Variants in BRD8 observed in about 807,000 individuals in gnomAD.
BRD8 encodes the protein bromodomain containing 8, also known as bromodomain-containing protein 8.
BRD8 carries 67 observed loss-of-function variants against 143.1 expected under a neutral mutation model. That is an observed-to-expected ratio of 0.47 (90% CI 0.38 to 0.57). The LOEUF is 0.57. BRD8 is among the 20% of genes least tolerant of loss of function. The pLI is 0.00. For synonymous variants in BRD8, 505 were observed against 517.1 expected, an observed-to-expected ratio of 0.98 and a Z score of 0.32; for missense variants, 1,103 against 1,503.0, an observed-to-expected ratio of 0.73 and a Z score of 4.40.
intron 25 of BRD8, among the ~76,000 whole-genome samples, chr5:138,143,258 C>CT (rs1751986706): frequency 6.6e-6 from 1 of 152,008 alleles, no homozygotes; most frequent in Admixed American, 6.6e-5. Context: ...GCACTCCAGC[C>CT]TGAGCAACAG....
chr5:138,176,845 C>T (rs927963203), intron 2 of BRD8, among the ~76,000 whole-genome samples: 5 of 151,980 alleles, frequency 3.3e-5, no homozygotes, highest in African/African-American at 1.2e-4. Context: ...CACCTGTAAT[C>T]CCAGTAGGTT....
At position 138,170,373 on chromosome 5, in the gene BRD8, C is replaced by G; in HGVS notation, c.477G>C (p.Lys159Asn). The G allele has an allele frequency of 6.2e-7, 1 of 1,614,028 alleles. No individual in the cohort carries two copies. Among genetic ancestry groups the G allele is most frequent in the Non-Finnish European group, 8.5e-7 (1 of 1,179,880 alleles). Residue 159 changes from lysine to asparagine, a missense_variant, in exon 7 of 27, where the codon AAG becomes AAC. This residue lies in a region of BRD8 where 334 missense variants were observed against 372.5 expected (regional missense o/e 0.90). Transcript: ENST00000254900. ...GGTATGCAGCATCTGTAGCCTTCCT[C>G]TTTACTTCAGCCTCCTCTTCTTCCA... ...KKLEEEEAEV[K>N]RKATDAAYQA...
intron 7 of BRD8, among the ~76,000 whole-genome samples, chr5:138,170,120 A>G (rs538024603): frequency 6.6e-6 from 1 of 152,302 alleles, no homozygotes; most frequent in East Asian, 1.9e-4. Context: ...ATATCTCATC[A>G]AGCCTTTGTG....
rs775834354 is a variant in BRD8, at chr5:138,170,325, G to T, written c.505+20C>A. ...TACTGTGCAATCAATTGCTAAAGAG[G>T]CATACTAGGTTCAGCTTACCCTGGT... On this transcript the variant is annotated intron_variant, in intron 7 of 26. Coordinates refer to ENST00000254900, the MANE Select transcript of BRD8 (RefSeq NM_139199.2). 6.6e-7 allele frequency: 1 copy of T among 1,511,910 alleles called. No homozygotes were observed. 93.7% of individuals were successfully genotyped at this position (1,511,910 alleles called of 1,614,324 possible). A position where few individuals can be genotyped will look rare whatever the true frequency, so the allele number is the denominator to read the frequency against.
chr5:138,145,752 C>A, intron 24 of BRD8, 37 bp downstream of exon 24: 1 of 1,548,032 alleles, frequency 6.5e-7, no homozygotes, highest in Non-Finnish European at 8.9e-7. Context: ...ACTGCTTCAG[C>A]TCTGAACATA....
intron 20 of BRD8, among the ~76,000 whole-genome samples, chr5:138,154,936 TCTC>T (rs1356881418): frequency 6.6e-6 from 1 of 151,610 alleles, no homozygotes; most frequent in Non-Finnish European, 1.5e-5. Flanking sequence ...CTCAAGCACT[TCTC>T]CTGCCTCAGC....
intron 12 of BRD8, 117 bp downstream of exon 12, chr5:138,164,597 G>C: frequency 1.6e-6 from 2 of 1,265,074 alleles, no homozygotes; most frequent in Non-Finnish European, 2.2e-6. Context: ...ATGGGCTTTG[G>C]ACACATCAAA....
chr5:138,148,880 T>G (rs1020606406), intron 23 of BRD8, among the ~76,000 whole-genome samples: 3 of 151,500 alleles, frequency 2.0e-5, no homozygotes, highest in African/African-American at 7.3e-5. Context: ...GCCTGGGCAA[T>G]ATAGCAAGGC....
chr5:138,167,488 A>C (rs978378054), intron 9 of BRD8, among the ~76,000 whole-genome samples: 1 of 152,134 alleles, frequency 6.6e-6, no homozygotes, highest in African/African-American at 2.4e-5. Flanking sequence ...CTACCTCATT[A>C]AATTCTCATC....
At chr5:138,170,450 C>T in intron 6 of BRD8, 41 bp from the exon 7 acceptor site, 2 of 1,610,840 alleles carry the variant, frequency 1.2e-6, no homozygotes, top group South Asian at 2.2e-5. Context: ...ACAGCTCTGG[C>T]TCCTCCCCAG....
At chr5:138,164,656 T>A in intron 12 of BRD8, 58 bp downstream of exon 12, 1 of 1,575,864 alleles carries the variant, frequency 6.3e-7, no homozygotes, top group Non-Finnish European at 8.6e-7. Flanking sequence ...GCCTAAGCTG[T>A]CACTTCTTAT....
At chr5:138,168,476 G>C in intron 8 of BRD8, 1 of 1,603,404 alleles carries the variant, frequency 6.2e-7, no homozygotes, top group Middle Eastern at 2.0e-4. Context: ...ATACCAGTCT[G>C]GGGCTAGTAG....
intron 20 of BRD8, among the ~76,000 whole-genome samples, chr5:138,154,403 A>G (rs1462959276): frequency 1.3e-5 from 2 of 152,084 alleles, no homozygotes; most frequent in Admixed American, 1.3e-4. Context: ...CACCTTCTCT[A>G]CCAACTCAAA....
At chr5:138,173,691 C>A (rs1266247528) in intron 2 of BRD8, among the ~76,000 whole-genome samples, 1 of 152,146 alleles carries the variant, frequency 6.6e-6, no homozygotes, top group Non-Finnish European at 1.5e-5. Flanking sequence ...TGCAGCCCCA[C>A]CCAAGTAGCT....
chr5:138,159,669 G>C (rs1752852181), intron 19 of BRD8, 70 bp from the exon 20 acceptor site: 16 of 1,473,704 alleles, frequency 1.1e-5, no homozygotes, highest in Non-Finnish European at 1.5e-5. Flanking sequence ...CCAAACCTCA[G>C]GACAGAGACA....
intron 20 of BRD8, among the ~76,000 whole-genome samples, chr5:138,155,218 G>A (rs113080379): frequency 0.15 from 23,479 of 151,534 alleles, 2,046 homozygotes; most frequent in Middle Eastern, 0.2. Context: ...AGGCCGAAGC[G>A]GGTGGATCAC....
In BRD8 at chr5:138,160,968, C is replaced by T; in HGVS notation, c.2350G>A (p.Val784Ile). ...TCATGGTCTGAGCTATTGTACATTA[C>T]AGCATTCTGAAACATCAGCATAATG... ...RDIMLMFQNA[V>I]MYNSSDHDVY... Residue 784 changes from valine to isoleucine, a missense_variant, in exon 18 of 27, where the codon GTA becomes ATA. Physicochemically the swap from Val to Ile is conservative, Grantham distance 29. Coordinates refer to ENST00000254900, the MANE Select transcript of BRD8 (RefSeq NM_139199.2). 4 of 1,614,028 alleles carry T rather than the reference C, an allele frequency of 2.5e-6. No homozygotes were observed. The highest frequency in any genetic ancestry group is 1.1e-5 in the South Asian group (1 of 91,074).
At chr5:138,171,813 T>G (rs924939858) in intron 3 of BRD8, among the ~76,000 whole-genome samples, 2 of 152,220 alleles carry the variant, frequency 1.3e-5, no homozygotes, top group Admixed American at 6.5e-5. Flanking sequence ...CCAAAGTTTT[T>G]AGATGGAGTA....
rs774115002 is a variant in BRD8, at chr5:138,169,299, T to C, written c.565A>G (p.Ile189Val). The change falls in exon 8 of 27, where the codon ATA becomes GTA. Residue 189 changes from isoleucine to valine, a missense_variant. Transcript: ENST00000254900. ...RLPTVMVRSP[I>V]DSASPGGDYP... ...TCACCTCCTGGGGAGGCAGAATCTA[T>C]AGGAGAGCGAACCATCACAGTGGGT... 46 of 1,614,052 alleles carry C rather than the reference T, an allele frequency of 2.8e-5. No homozygotes were observed. In the East Asian group the frequency reaches 2.9e-4, roughly 10 times the overall value.
Sources: allele counts gnomAD v4.1 joint callset (sites outside exome capture counted in the v4.1 genomes callset), GRCh38; gene constraint gnomAD v4.1.1; regional missense constraint gnomAD v4.1.1; transcripts MANE v1.5; gene names NCBI Gene and HGNC (gene_info 2026-07-23, HGNC 2026-07-21).